Variants in AOPEP observed in about 807,000 individuals in gnomAD.
AOPEP encodes the protein aminopeptidase O.
In AOPEP, 77 loss-of-function variants were observed where a neutral mutation model predicts 98.1. The ratio of observed to expected loss-of-function variants is 0.78; its 90% CI spans 0.65 to 0.95. AOPEP has a LOEUF of 0.95. Among genes scored for constraint, AOPEP ranks in the 40% least tolerant of loss-of-function variants. AOPEP has a pLI of 0.00. For missense variants in AOPEP, 1,024 were observed against 1,024.7 expected (o/e 1.00, Z 0.01); for synonymous variants, 346 against 365.3 (o/e 0.95, Z 0.60).
chr9:95,144,852 C>T, the AOPEP span, among the ~76,000 whole-genome samples: 11 of 152,148 alleles, frequency 7.2e-5, no homozygotes, highest in Admixed American at 3.3e-4. Context: ...AATCGAGCGC[C>T]GCGCCGCACG....
At chr9:94,996,794 G>A (rs1424642412) in intron 11 of AOPEP, among the ~76,000 whole-genome samples, 1 of 152,222 alleles carries the variant, frequency 6.6e-6, no homozygotes, top group Non-Finnish European at 1.5e-5. Flanking sequence ...ATATGTGTGT[G>A]TGTTTTCTAA....
At chr9:94,763,117 C>A (rs1838756933) in intron 2 of AOPEP, 2 of 462,110 alleles carry the variant, frequency 4.3e-6, no homozygotes, top group Admixed American at 2.4e-5. Flanking sequence ...TCTTTATTCT[C>A]ATTTTACAGG....
the AOPEP span, chr9:95,110,970 G>A: frequency 1.4e-6 from 2 of 1,409,154 alleles, no homozygotes; most frequent in Non-Finnish European, 1.8e-6. Context: ...GATTACTTTA[G>A]TAAGAGATGT....
intron 5 of AOPEP, among the ~76,000 whole-genome samples, chr9:94,917,231 C>A (rs1371970100): frequency 6.6e-6 from 1 of 151,480 alleles, no homozygotes; most frequent in Non-Finnish European, 1.5e-5. Context: ...CTCTGCTGGT[C>A]AGTAGCTGAG....
chr9:95,121,858 ATT>A, the AOPEP span, among the ~76,000 whole-genome samples: 19 of 138,062 alleles, frequency 1.4e-4, no homozygotes, highest in Non-Finnish European at 1.1e-4. Flanking sequence ...CATAAAATTC[ATT>A]TTTTTTTTTT....
chr9:94,780,116 C>A (rs1842951872), intron 3 of AOPEP, among the ~76,000 whole-genome samples: 1 of 152,150 alleles, frequency 6.6e-6, no homozygotes, highest in Non-Finnish European at 1.5e-5. Flanking sequence ...TTTATTGGAT[C>A]ATGGCCATTG....
chr9:94,764,441 G>A (rs546599784), intron 2 of AOPEP, among the ~76,000 whole-genome samples: 4 of 152,310 alleles, frequency 2.6e-5, no homozygotes, highest in Admixed American at 6.5e-5. Context: ...GAGGCCAGGA[G>A]TTCGAGACCA....
intron 13 of AOPEP, among the ~76,000 whole-genome samples, chr9:95,043,936 G>A (rs72750397): frequency 9.2e-4 from 140 of 152,256 alleles, no homozygotes; most frequent in Non-Finnish European, 1.6e-3. Context: ...AGTTGTAACC[G>A]CTGTGTACAT....
intron 7 of AOPEP, among the ~76,000 whole-genome samples, chr9:94,929,244 G>T (rs2054888270): frequency 1.3e-5 from 2 of 152,206 alleles, no homozygotes; most frequent in Non-Finnish European, 1.5e-5. Flanking sequence ...CCATCAAACA[G>T]GTGGGGAGGG....
the AOPEP span, among the ~76,000 whole-genome samples, chr9:95,124,731 C>T: frequency 6.6e-6 from 1 of 152,190 alleles, no homozygotes. Context: ...CCCCAGGGTG[C>T]CTCCTGCTGA....
At position 95,005,422 on chromosome 9, in the gene AOPEP, GC is replaced by G. The variant is rs2061929651; in HGVS notation, c.2041-118del. ...CGAGTTCCGCGGGCGGGCGCGGGTG[GC>G]CTCCCGAGGTGCGGGGAAGACCAGG... On this transcript the variant is annotated intron_variant, in intron 12 of 16. Transcript: ENST00000375315. 15 of 1,066,576 alleles carry G rather than the reference GC, an allele frequency of 1.4e-5. No homozygotes were observed. In the South Asian group the frequency reaches 2.0e-4, roughly 14 times the overall value. 66.1% of individuals were successfully genotyped at this position (1,066,576 alleles called of 1,614,324 possible).
intron 5 of AOPEP, among the ~76,000 whole-genome samples, chr9:94,873,856 G>A (rs1205371752): frequency 1.3e-5 from 2 of 152,138 alleles, no homozygotes; most frequent in African/African-American, 4.8e-5. Flanking sequence ...GATATATATT[G>A]CTGACATGTT....
At chr9:94,857,299 C>T (rs913321619) in intron 5 of AOPEP, among the ~76,000 whole-genome samples, 1 of 152,190 alleles carries the variant, frequency 6.6e-6, no homozygotes, top group Non-Finnish European at 1.5e-5. Flanking sequence ...ATTTCTTCAA[C>T]CATGTTTTAA....
At position 95,042,627 on chromosome 9, in the gene AOPEP, G is replaced by C. The variant is rs113800801; in HGVS notation, c.2116-18067G>C. ...AGGAGAGAATCTAGTTCCTGGCCTT[G>C]TCTAGCTTTTAGGATTGCCTGTATT... On this transcript the variant is annotated intron_variant, in intron 13 of 16. Transcript: ENST00000375315. Among the ~76,000 whole-genome samples the C allele has an allele frequency of 8.5e-5, 13 of 152,294 alleles. 2 individuals carry two copies. Among genetic ancestry groups the C allele is most frequent in the African/African-American group, 3.1e-4 (13 of 41,560 alleles).
chr9:94,943,783 G>C (rs1233672755), intron 7 of AOPEP, among the ~76,000 whole-genome samples: 1 of 151,130 alleles, frequency 6.6e-6, no homozygotes, highest in African/African-American at 2.4e-5. Flanking sequence ...AGCAGGGTGT[G>C]GTGGCACGCA....
intron 13 of AOPEP, among the ~76,000 whole-genome samples, chr9:95,009,750 C>G (rs996917544): frequency 1.3e-5 from 2 of 151,912 alleles, no homozygotes; most frequent in Non-Finnish European, 2.9e-5. Flanking sequence ...TGCCAGAACC[C>G]AAAAAACAAT....
chr9:95,082,836 C>T (rs938479377), intron 16 of AOPEP, 117 bp downstream of exon 16: 1 of 1,219,890 alleles, frequency 8.2e-7, no homozygotes, highest in Non-Finnish European at 1.1e-6. Flanking sequence ...CAATAGTCGG[C>T]TCCCTGGCCC....
the AOPEP span, among the ~76,000 whole-genome samples, chr9:95,108,060 A>G: frequency 6.6e-6 from 1 of 152,248 alleles, no homozygotes; most frequent in South Asian, 2.1e-4. Context: ...GTGAACAGCT[A>G]TGTTCCATCA....
In AOPEP at chr9:94,872,022, A is replaced by G. The variant is rs560870817; in HGVS notation, c.1365-51964A>G. Among the ~76,000 whole-genome samples, 4 of 152,158 alleles carry G rather than the reference A, an allele frequency of 2.6e-5. No individual in the cohort carries two copies. In the South Asian group the frequency reaches 8.3e-4, roughly 32 times the overall value. ...GACCCTGTCTCAAAGAAGAAAAAAA[A>G]GACGAAATTTTCCTCCTAGTTTTTT... On this transcript the variant is annotated intron_variant, in intron 5 of 16. Transcript: ENST00000375315.
Sources: gnomAD v4.1 joint callset for allele counts (sites outside exome capture counted in the v4.1 genomes callset) on GRCh38, gnomAD v4.1.1 for gene constraint, MANE v1.5 for transcripts, NCBI Gene and HGNC (gene_info 2026-07-23, HGNC 2026-07-21) for gene names.